Variants in PEX5L observed in about 807,000 individuals in gnomAD.
PEX5L encodes peroxisomal biogenesis factor 5 like, also known as PEX5-related protein.
In PEX5L, 30 loss-of-function variants were observed where a neutral mutation model predicts 84.0. That is an observed-to-expected ratio of 0.36 (90% CI 0.27 to 0.48). The LOEUF is 0.48. Ranked by LOEUF, PEX5L falls within the 20% of genes least tolerant of loss-of-function variation. The pLI, the probability that PEX5L is intolerant of heterozygous loss-of-function variation, is 0.99. For synonymous variants in PEX5L, 270 were observed against 283.1 expected, an observed-to-expected ratio of 0.95 and a Z score of 0.46; for missense variants, 533 against 754.6, an observed-to-expected ratio of 0.71 and a Z score of 3.44.
At chr3:179,894,271 A>C (rs997789902) in intron 3 of PEX5L, among the ~76,000 whole-genome samples, 2 of 152,056 alleles carry the variant, frequency 1.3e-5, no homozygotes, top group African/African-American at 4.8e-5. Context: ...AAGACAACTA[A>C]ATCATTACCA....
chr3:179,928,355 AAC>A (rs1772065382), intron 2 of PEX5L, among the ~76,000 whole-genome samples: 1 of 152,170 alleles, frequency 6.6e-6, no homozygotes, highest in Admixed American at 6.5e-5. Flanking sequence ...TCCAACTGGG[AAC>A]ACCTGTACCC....
chr3:180,023,699 G>C (rs1227561269), intron 1 of PEX5L, among the ~76,000 whole-genome samples: 1 of 151,904 alleles, frequency 6.6e-6, no homozygotes, highest in Non-Finnish European at 1.5e-5. Flanking sequence ...ATTTGTGTTT[G>C]AATATATTTG....
chr3:180,028,016 T>C (rs192103938), intron 1 of PEX5L, among the ~76,000 whole-genome samples: 61 of 152,316 alleles, frequency 4.0e-4, no homozygotes, highest in Non-Finnish European at 6.8e-4. Flanking sequence ...CTGTCCATTA[T>C]TGGTGATGTT....
chr3:179,853,534 G>A (rs1465402558), intron 8 of PEX5L, among the ~76,000 whole-genome samples: 8 of 152,168 alleles, frequency 5.3e-5, no homozygotes, highest in Non-Finnish European at 1.2e-4. Flanking sequence ...CTCCTTCGCA[G>A]TTTGTCACTC....
At chr3:179,818,593 C>A (rs75245291) in intron 9 of PEX5L, among the ~76,000 whole-genome samples, 1 of 151,966 alleles carries the variant, frequency 6.6e-6, no homozygotes, top group African/African-American at 2.4e-5. Flanking sequence ...TCCCTACCCC[C>A]CTCCCCTGCC....
At chr3:179,806,774 C>CT (rs1239024581) in intron 14 of PEX5L, among the ~76,000 whole-genome samples, 1 of 152,128 alleles carries the variant, frequency 6.6e-6, no homozygotes, top group Non-Finnish European at 1.5e-5. Flanking sequence ...CTTTCTCTCT[C>CT]TTTTTTTAAC....
chr3:179,946,679 G>T (rs958822160), intron 2 of PEX5L, among the ~76,000 whole-genome samples: 4 of 152,210 alleles, frequency 2.6e-5, no homozygotes, highest in African/African-American at 9.6e-5. Flanking sequence ...GAATCCCTGG[G>T]CGTGAAACCT....
At chr3:179,936,408 T>C (rs1774618750) in intron 2 of PEX5L, among the ~76,000 whole-genome samples, 1 of 152,220 alleles carries the variant, frequency 6.6e-6, no homozygotes, top group Admixed American at 6.5e-5. Flanking sequence ...TCTCTTGGAT[T>C]CTTAGAAAAT....
chr3:179,965,938 T>A lies in PEX5L; in HGVS notation c.93+5656A>T, dbSNP rs537908074. On this transcript the variant is annotated intron_variant, in intron 2 of 14. Coordinates refer to ENST00000467460, the MANE Select transcript of PEX5L (RefSeq NM_016559.3). ...TAACCTAATGGAAGAAATTTCCCCC[T>A]TCTGTGTACAATATTTATTGATGAT... is the stretch of plus-strand genomic sequence containing the variant. Among the ~76,000 whole-genome samples, 35 of 152,292 alleles carry A rather than the reference T, an allele frequency of 2.3e-4. No individual in the cohort carries two copies. The South Asian group carries it at 5.6e-3, about 24-fold the overall frequency.
chr3:180,007,086 C>T (rs1788969353), intron 1 of PEX5L, among the ~76,000 whole-genome samples: 1 of 152,224 alleles, frequency 6.6e-6, no homozygotes, highest in Admixed American at 6.5e-5. Flanking sequence ...CAAGTCCTTT[C>T]TGCCTATGAG....
At position 179,796,515 on chromosome 3, in the gene PEX5L, T is replaced by G. The variant is rs972368626; in HGVS notation, c.*5313A>C. On this transcript the variant is annotated 3_prime_UTR_variant, in exon 15 of 15. Coordinates refer to ENST00000467460, the MANE Select transcript of PEX5L (RefSeq NM_016559.3). ...AAACCTCACAGTTTAATTTTCTGTGTTTTTTTTTTTCCTCTTAACTGTTTA... is the reference window on the plus strand; with the variant it reads ...AAACCTCACAGTTTAATTTTCTGTGGTTTTTTTTTTCCTCTTAACTGTTTA... The G allele has an allele frequency of 3.6e-5, 5 of 137,960 alleles. No homozygotes were observed. In the East Asian group the frequency reaches 6.0e-4, roughly 17 times the overall value. The allele number at this position is 137,960 out of a possible 1,614,324, so 8.5% of individuals were successfully genotyped here.
At chr3:179,977,916 C>T (rs1194488055) in intron 1 of PEX5L, among the ~76,000 whole-genome samples, 2 of 152,120 alleles carry the variant, frequency 1.3e-5, no homozygotes, top group East Asian at 1.9e-4. Flanking sequence ...AGAGAGTGGC[C>T]ACACAGTACA....
In PEX5L at chr3:179,971,765, C is replaced by A. The variant is rs1200822283; in HGVS notation, c.22-100G>T. 3.4e-6 allele frequency: 4 copies of A among 1,194,022 alleles called. No individual in the cohort carries two copies. In the African/African-American group the frequency reaches 6.2e-5, roughly 19 times the overall value. 74.0% of individuals were successfully genotyped at this position (1,194,022 alleles called of 1,614,324 possible). On this transcript the variant is annotated intron_variant, in intron 1 of 14. Transcript: ENST00000467460. Reference sequence around the variant, plus strand: ...AAGATAAAAGTCTTAGCCTTGTTCACCAGTCATAATGCATCATTCTTTATA... The same window carrying A: ...AAGATAAAAGTCTTAGCCTTGTTCAACAGTCATAATGCATCATTCTTTATA...
intron 8 of PEX5L, among the ~76,000 whole-genome samples, chr3:179,821,370 A>G (rs1456772556): frequency 6.6e-6 from 1 of 152,208 alleles, no homozygotes; most frequent in Non-Finnish European, 1.5e-5. Flanking sequence ...ATACCATCAC[A>G]CTGACTTGAG....
intron 8 of PEX5L, chr3:179,820,665 A>G (rs1577258515): frequency 6.6e-6 from 1 of 152,324 alleles, no homozygotes; most frequent in Middle Eastern, 3.4e-3. Context: ...GTAGTTTCCC[A>G]CACATCTTCG....
intron 2 of PEX5L, 132 bp from the exon 3 acceptor site, chr3:179,898,378 G>T: frequency 3.6e-6 from 2 of 561,112 alleles, no homozygotes; most frequent in South Asian, 4.1e-5. Context: ...GAATCTTGAG[G>T]CTTTTGGCTG....
At chr3:179,952,877 C>T (rs989566918) in intron 2 of PEX5L, among the ~76,000 whole-genome samples, 1 of 152,176 alleles carries the variant, frequency 6.6e-6, no homozygotes, top group Non-Finnish European at 1.5e-5. Context: ...GTAGCCAAAA[C>T]AGCATGGTAC....
At chr3:179,807,568 G>A in intron 14 of PEX5L, 106 bp downstream of exon 14, 1 of 1,037,956 alleles carries the variant, frequency 9.6e-7, no homozygotes, top group Non-Finnish European at 1.4e-6. Flanking sequence ...GCAGGAGGAG[G>A]AATACTCCTA....
At chr3:180,027,225 C>T (rs1432091757) in intron 1 of PEX5L, among the ~76,000 whole-genome samples, 1 of 152,204 alleles carries the variant, frequency 6.6e-6, no homozygotes, top group African/African-American at 2.4e-5. Flanking sequence ...GTGGGGTCCA[C>T]ACTGACCTGT....
Sources: gnomAD v4.1 joint callset for allele counts (sites outside exome capture counted in the v4.1 genomes callset) on GRCh38, gnomAD v4.1.1 for gene constraint, MANE v1.5 for transcripts, NCBI Gene and HGNC (gene_info 2026-07-23, HGNC 2026-07-21) for gene names.